The following CNTNAP2 variants were observed in gnomAD, a reference collection of about 807,000 sequenced individuals.
The protein encoded by CNTNAP2 is contactin associated protein 2.
In CNTNAP2, 98 loss-of-function variants were observed where a neutral mutation model predicts 155.2. The observed-to-expected ratio is 0.63, with a 90% confidence interval of 0.54 to 0.75. CNTNAP2 has a LOEUF of 0.75. CNTNAP2 is among the 30% of genes least tolerant of loss of function. CNTNAP2 has a pLI of 0.00. For synonymous variants in CNTNAP2, 651 were observed against 631.2 expected (o/e 1.03, Z -0.47); for missense variants, 1,727 against 1,688.1 (o/e 1.02, Z -0.40).
chr7:147,557,022 C>T (rs895600415), intron 11 of CNTNAP2, among the ~76,000 whole-genome samples: 2 of 151,060 alleles, frequency 1.3e-5, no homozygotes, highest in African/African-American at 4.9e-5. Context: ...CTGAGGCAGG[C>T]GGGGGTCGGG....
intron 3 of CNTNAP2, among the ~76,000 whole-genome samples, chr7:147,024,932 C>A (rs1445752609): frequency 6.6e-6 from 1 of 152,016 alleles, no homozygotes; most frequent in East Asian, 2.0e-4. Flanking sequence ...TTTAAACAAT[C>A]ACATCACGTG....
At chr7:148,327,178 G>A (rs1448993317) in intron 21 of CNTNAP2, among the ~76,000 whole-genome samples, 1 of 152,116 alleles carries the variant, frequency 6.6e-6, no homozygotes, top group African/African-American at 2.4e-5. Context: ...TGCTCCCAGG[G>A]GCTGCTGCAG....
At chr7:146,492,165 C>A (rs540909202) in intron 1 of CNTNAP2, among the ~76,000 whole-genome samples, 1 of 146,116 alleles carries the variant, frequency 6.8e-6, no homozygotes, top group South Asian at 2.1e-4. Context: ...TGGTGCACTG[C>A]CAAATGGAAA....
intron 1 of CNTNAP2, among the ~76,000 whole-genome samples, chr7:146,245,539 A>G (rs143014079): frequency 0.11 from 16,918 of 152,154 alleles, 972 homozygotes; most frequent in Middle Eastern, 0.17. Context: ...TACAGGGTGC[A>G]GTCCTGGCTC....
At chr7:146,757,418 T>A (rs1224632261) in intron 1 of CNTNAP2, among the ~76,000 whole-genome samples, 1 of 152,196 alleles carries the variant, frequency 6.6e-6, no homozygotes, top group East Asian at 1.9e-4. Flanking sequence ...TAAGTTTAAT[T>A]TCTTTACATA....
chr7:148,300,661 G>T (rs1426268045), intron 21 of CNTNAP2, among the ~76,000 whole-genome samples: 1 of 151,648 alleles, frequency 6.6e-6, no homozygotes, highest in African/African-American at 2.4e-5. Flanking sequence ...TAGCAAAAAG[G>T]TGGAAAGAAC....
intron 13 of CNTNAP2, among the ~76,000 whole-genome samples, chr7:147,836,039 T>C (rs1365544548): frequency 1.3e-5 from 2 of 152,144 alleles, no homozygotes; most frequent in African/African-American, 4.8e-5. Flanking sequence ...ATACATTCTG[T>C]GGTTTTAGGC....
At chr7:146,572,170 A>G (rs546397245) in intron 1 of CNTNAP2, among the ~76,000 whole-genome samples, 1 of 152,298 alleles carries the variant, frequency 6.6e-6, no homozygotes, top group South Asian at 2.1e-4. Context: ...TGAAAAGTCA[A>G]AAAGTCCAGA....
chr7:146,567,399 G>T (rs1798373690), intron 1 of CNTNAP2, among the ~76,000 whole-genome samples: 1 of 152,030 alleles, frequency 6.6e-6, no homozygotes, highest in African/African-American at 2.4e-5. Context: ...AATGTAGTCA[G>T]ATTTGAAAAT....
chr7:147,197,338 C>T (rs141105423), intron 8 of CNTNAP2, among the ~76,000 whole-genome samples: 1 of 150,642 alleles, frequency 6.6e-6, no homozygotes, highest in Non-Finnish European at 1.5e-5. Context: ...GGCCTGCCCC[C>T]CCGCCCCCCG....
intron 13 of CNTNAP2, among the ~76,000 whole-genome samples, chr7:147,658,452 G>A (rs1795561545): frequency 6.6e-6 from 1 of 152,172 alleles, no homozygotes; most frequent in Admixed American, 6.5e-5. Flanking sequence ...ACTGCTAAAG[G>A]GAGAGGAGGG....
intron 8 of CNTNAP2, among the ~76,000 whole-genome samples, chr7:147,136,749 A>G (rs1003031460): frequency 6.6e-6 from 1 of 151,984 alleles, no homozygotes; most frequent in African/African-American, 2.4e-5. Flanking sequence ...AAGTTCAGTG[A>G]TAACTTGCCC....
intron 2 of CNTNAP2, among the ~76,000 whole-genome samples, chr7:146,838,897 G>A (rs1204090999): frequency 1.3e-5 from 2 of 151,954 alleles, no homozygotes; most frequent in African/African-American, 4.8e-5. Flanking sequence ...AAATTATAGT[G>A]CCTCTTAGCA....
At chr7:148,408,817 G>A (rs10252603) in intron 22 of CNTNAP2, among the ~76,000 whole-genome samples, 44,399 of 151,896 alleles carry the variant, frequency 0.29, 6,883 homozygotes, top group Non-Finnish European at 0.35. Flanking sequence ...TGATTCTTAC[G>A]TTTATAATAG....
chr7:147,597,386 T>C (rs1800844319), intron 12 of CNTNAP2, among the ~76,000 whole-genome samples: 1 of 152,210 alleles, frequency 6.6e-6, no homozygotes, highest in South Asian at 2.1e-4. Flanking sequence ...AAATATCAAT[T>C]GTTTTGACAC....
At chr7:147,742,879 A>G (rs1796977094) in intron 13 of CNTNAP2, among the ~76,000 whole-genome samples, 1 of 152,202 alleles carries the variant, frequency 6.6e-6, no homozygotes, top group South Asian at 2.1e-4. Flanking sequence ...TCATGGATTT[A>G]TTTCAGAGCA....
At chr7:147,602,582 G>T (rs1007926287) in intron 12 of CNTNAP2, among the ~76,000 whole-genome samples, 2 of 150,756 alleles carry the variant, frequency 1.3e-5, no homozygotes, top group African/African-American at 4.9e-5. Context: ...CTGGTGTGCT[G>T]CACCCATTAA....
chr7:147,361,828 A>G (rs1023525307), intron 9 of CNTNAP2, among the ~76,000 whole-genome samples: 2 of 152,154 alleles, frequency 1.3e-5, no homozygotes, highest in East Asian at 1.9e-4. Flanking sequence ...ATTTTTAACA[A>G]TGACATATTG....
chr7:146,725,318 G>A (rs344461), intron 1 of CNTNAP2, among the ~76,000 whole-genome samples: 49,170 of 152,136 alleles, frequency 0.32, 15,283 homozygotes, highest in African/African-American at 0.82. Context: ...AACCTTTGCA[G>A]ACATTATAAC....
Sources: gnomAD v4.1 joint callset for allele counts (sites outside exome capture counted in the v4.1 genomes callset) on GRCh38, gnomAD v4.1.1 for gene constraint, MANE v1.5 for transcripts, NCBI Gene and HGNC (gene_info 2026-07-23, HGNC 2026-07-21) for gene names.